The following ANKS1A variants were observed in gnomAD, a reference collection of about 807,000 sequenced individuals.
ANKS1A encodes ankyrin repeat and sterile alpha motif domain containing 1A, also known as ankyrin repeat and SAM domain-containing protein 1A.
ANKS1A carries 55 observed loss-of-function variants against 120.3 expected under a neutral mutation model. The ratio of observed to expected loss-of-function variants is 0.46; its 90% CI spans 0.37 to 0.57. ANKS1A has a LOEUF of 0.57. ANKS1A is among the 20% of genes least tolerant of loss of function. The pLI, the probability that ANKS1A is intolerant of heterozygous loss-of-function variation, is 0.00. For synonymous variants in ANKS1A, 590 were observed against 604.7 expected (o/e 0.98, Z 0.36); for missense variants, 1,123 against 1,480.3 (o/e 0.76, Z 3.96).
intron 13 of ANKS1A, among the ~76,000 whole-genome samples, chr6:35,066,533 C>G (rs1776785024): frequency 6.6e-6 from 1 of 151,822 alleles, no homozygotes; most frequent in African/African-American, 2.4e-5. Flanking sequence ...CACCAAGGAC[C>G]TGCTTGGGAG....
At chr6:34,973,502 G>A (rs1256726819) in intron 3 of ANKS1A, among the ~76,000 whole-genome samples, 1 of 152,140 alleles carries the variant, frequency 6.6e-6, no homozygotes, top group Non-Finnish European at 1.5e-5. Flanking sequence ...TTTGGTCAAA[G>A]ATTTTATTCA....
chr6:35,029,825 T>G, intron 11 of ANKS1A, among the ~76,000 whole-genome samples: 1 of 148,238 alleles, frequency 6.7e-6, no homozygotes, highest in South Asian at 2.1e-4. Flanking sequence ...TACAAATCTA[T>G]TTTTTATATA....
intron 1 of ANKS1A, among the ~76,000 whole-genome samples, chr6:34,960,923 A>G (rs990825250): frequency 2.0e-5 from 3 of 152,236 alleles, no homozygotes; most frequent in Non-Finnish European, 4.4e-5. Flanking sequence ...AAAAAATGAC[A>G]AGTGGCGGAG....
At chr6:35,061,580 A>G (rs1204319105) in intron 13 of ANKS1A, among the ~76,000 whole-genome samples, 1 of 152,162 alleles carries the variant, frequency 6.6e-6, no homozygotes, top group Non-Finnish European at 1.5e-5. Context: ...GGAGGGACCC[A>G]CCTCACCCAG....
intron 10 of ANKS1A, among the ~76,000 whole-genome samples, chr6:35,003,551 CA>C (rs1191613872): frequency 2.6e-5 from 4 of 152,098 alleles, no homozygotes; most frequent in African/African-American, 9.7e-5. Flanking sequence ...ACCCTGAGGC[CA>C]TGTTTAGAAA....
At position 35,087,046 on chromosome 6, in the gene ANKS1A, C is replaced by T. The variant is rs1778028552; in HGVS notation, c.3398C>T (p.Thr1133Ile). The T allele has an allele frequency of 6.2e-7, 1 of 1,614,080 alleles. No individual in the cohort carries two copies. ...CCAGACTCTAAGCGGAGCCTCAGCA[C>T]CAAGTATGAGACCACTATCTTCTAA... Reference protein sequence around the residue: ...PKPDSKRSLSTN With the variant: ...PKPDSKRSLSIN The change falls in exon 23 of 24, where the codon ACC becomes ATC. Residue 1133 changes from threonine to isoleucine, a missense_variant. By Grantham distance (89) the Thr-to-Ile change is moderately conservative. Transcript: ENST00000360359.
At chr6:35,013,044 G>C (rs538610139) in intron 10 of ANKS1A, among the ~76,000 whole-genome samples, 1 of 152,232 alleles carries the variant, frequency 6.6e-6, no homozygotes, top group East Asian at 1.9e-4. Flanking sequence ...TCCTCTCTCA[G>C]CCTCCCAAAG....
At chr6:35,022,002 A>G (rs1270070045) in intron 11 of ANKS1A, among the ~76,000 whole-genome samples, 3 of 151,808 alleles carry the variant, frequency 2.0e-5, no homozygotes, top group East Asian at 3.9e-4. Context: ...AAAAAAAACA[A>G]AACAGAGCTC....
intron 1 of ANKS1A, among the ~76,000 whole-genome samples, chr6:34,950,689 G>A (rs1254818326): frequency 6.6e-6 from 1 of 152,044 alleles, no homozygotes; most frequent in East Asian, 1.9e-4. Flanking sequence ...GGGGATTCTG[G>A]CTAAACTGAC....
intron 23 of ANKS1A, 42 bp from the exon 24 acceptor site, chr6:35,088,564 T>C (rs898892788): frequency 3.5e-5 from 57 of 1,611,492 alleles, no homozygotes; most frequent in Non-Finnish European, 4.6e-5. Context: ...GCAGGCCCCA[T>C]TGGTTAACCC....
intron 13 of ANKS1A, among the ~76,000 whole-genome samples, chr6:35,061,770 T>C (rs963588557): frequency 1.3e-5 from 2 of 152,218 alleles, no homozygotes; most frequent in Admixed American, 1.3e-4. Context: ...AACTCCTGAC[T>C]CACCACGTTC....
chr6:34,985,759 G>A (rs1401762740), intron 8 of ANKS1A, among the ~76,000 whole-genome samples: 2 of 152,190 alleles, frequency 1.3e-5, no homozygotes, highest in African/African-American at 4.8e-5. Flanking sequence ...ATTCAACAGG[G>A]TTGTAGCAGG....
At chr6:35,079,695 T>A in intron 15 of ANKS1A, 27 bp downstream of exon 15, 1 of 1,614,044 alleles carries the variant, frequency 6.2e-7, no homozygotes, top group Admixed American at 1.7e-5. Flanking sequence ...TGGCCCGGCC[T>A]GGACTCTCCA....
intron 10 of ANKS1A, among the ~76,000 whole-genome samples, chr6:35,013,908 G>A (rs915733069): frequency 9.9e-5 from 15 of 152,198 alleles, no homozygotes; most frequent in Admixed American, 1.3e-4. Context: ...GTGTTGTAAC[G>A]GACCCTGTGT....
chr6:34,947,709 T>C (rs1264905508), intron 1 of ANKS1A, among the ~76,000 whole-genome samples: 2 of 152,202 alleles, frequency 1.3e-5, no homozygotes, highest in East Asian at 3.8e-4. Context: ...CTGGTTGCCT[T>C]TATGCCCTCA....
intron 11 of ANKS1A, among the ~76,000 whole-genome samples, chr6:35,033,159 A>G (rs906415420): frequency 6.6e-6 from 1 of 152,228 alleles, no homozygotes; most frequent in African/African-American, 2.4e-5. Flanking sequence ...AATAGTTTGG[A>G]CAGTTCTTGG....
chr6:34,951,906 G>A (rs1770110887), intron 1 of ANKS1A, among the ~76,000 whole-genome samples: 1 of 152,022 alleles, frequency 6.6e-6, no homozygotes, highest in Admixed American at 6.6e-5. Context: ...ATTCTTTATT[G>A]GTTTCCTGGG....
intron 11 of ANKS1A, among the ~76,000 whole-genome samples, chr6:35,042,909 ATAAT>A (rs1242695810): frequency 3.3e-5 from 5 of 152,226 alleles, no homozygotes; most frequent in Non-Finnish European, 7.3e-5. Context: ...TGCCATTTCC[ATAAT>A]TAATTGTCTG....
intron 11 of ANKS1A, among the ~76,000 whole-genome samples, chr6:35,053,159 C>A (rs985660950): frequency 6.6e-6 from 1 of 152,196 alleles, no homozygotes; most frequent in Admixed American, 6.5e-5. Context: ...CATCCAAGCC[C>A]TGGTACAAAA....
Sources: gnomAD v4.1 joint callset for allele counts (sites outside exome capture counted in the v4.1 genomes callset) on GRCh38, gnomAD v4.1.1 for gene constraint, MANE v1.5 for transcripts, NCBI Gene and HGNC (gene_info 2026-07-23, HGNC 2026-07-21) for gene names.